ALKBH4: variants seen among roughly 807,000 people sequenced by gnomAD.
ALKBH4 encodes alkB homolog 4, lysine demethylase.
Under a neutral mutation model 12.1 loss-of-function variants are expected in ALKBH4, and 8 were observed. The ratio of observed to expected loss-of-function variants is 0.66; its 90% CI spans 0.39 to 1.19. The LOEUF is 1.19. Ranked by LOEUF, ALKBH4 falls within the 50% of genes most tolerant of loss-of-function variation. The pLI is 0.01. For synonymous variants in ALKBH4, 195 were observed against 191.6 expected (o/e 1.02, Z -0.15); for missense variants, 403 against 430.4 (o/e 0.94, Z 0.56).
At position 102,456,559 on chromosome 7, in the gene ALKBH4, A is replaced by G. The variant is rs1046923430; in HGVS notation, c.*835T>C. 1 of 151,896 alleles carries G rather than the reference A, an allele frequency of 6.6e-6. No individual in the cohort carries two copies. The highest frequency in any genetic ancestry group is 2.4e-5 in the African/African-American group (1 of 41,338). The allele number at this position is 151,896 out of a possible 1,614,324, so 9.4% of individuals were successfully genotyped here. A position where few individuals can be genotyped will look rare whatever the true frequency, so the allele number is the denominator to read the frequency against. ...CTGGCCGGGAGCTTTAATTTTTCCT[A>G]CTTGTTAACAGCGTTATGGGGCTGG... On this transcript the variant is annotated 3_prime_UTR_variant, in exon 3 of 3. Coordinates refer to ENST00000292566, the MANE Select transcript of ALKBH4 (RefSeq NM_017621.4).
At position 102,457,822 on chromosome 7, in the gene ALKBH4, C is replaced by T. The variant is rs566861172; in HGVS notation, c.481G>A (p.Glu161Lys). Residue 161 changes from glutamate (E) to lysine (K), a missense_variant, in exon 3 of 3, where the codon GAG (glutamate) becomes AAG (lysine). By Grantham distance (56) the Glu-to-Lys change is moderately conservative. Coordinates refer to ENST00000292566, the MANE Select transcript of ALKBH4 (RefSeq NM_017621.4). The surrounding 1 kb of genome is among the most constrained non-coding windows in gnomAD (Gnocchi z 5.9). The part of the protein sequence containing the change: ...VEQCNLDYCP[E>K]RGSAIDPHLD... ...TGGGGGTCAATGGCAGAGCCCCGCT[C>T]GGGGCAGTAGTCCAGGTTGCACTGC... 1.2e-5 allele frequency: 19 copies of T among 1,609,854 alleles called. No homozygotes were observed. Among genetic ancestry groups the T allele is most frequent in the African/African-American group, 8.0e-5 (6 of 75,038 alleles).
In ALKBH4 at chr7:102,464,738, G is replaced by A. The variant is rs770165043; in HGVS notation, c.99C>T (p.Asp33=). ...CCGCTGGGGGCAGCTCCCAGGGCGGGTCACTGCCGCGCTGCCGCTCGCAGA... is the reference window on the plus strand; with the variant it reads ...CCGCTGGGGGCAGCTCCCAGGGCGGATCACTGCCGCGCTGCCGCTCGCAGA... The part of the protein sequence containing the change: ...CLICERQRGS[D]PPWELPPAKT... Residue 33 remains aspartate, a synonymous_variant, in exon 1 of 3, where the codon GAC becomes GAT. Coordinates refer to ENST00000292566, the MANE Select transcript of ALKBH4 (RefSeq NM_017621.4). 1 of 1,563,818 alleles carries A rather than the reference G, an allele frequency of 6.4e-7. No homozygotes were observed. Among genetic ancestry groups the A allele is most frequent in the East Asian group, 2.6e-5 (1 of 38,730 alleles).
At position 102,457,054 on chromosome 7, in the gene ALKBH4, C is replaced by G. The variant is rs904495104; in HGVS notation, c.*340G>C. On this transcript the variant is annotated 3_prime_UTR_variant, in exon 3 of 3. Coordinates refer to ENST00000292566, the MANE Select transcript of ALKBH4 (RefSeq NM_017621.4). The surrounding 1 kb of genome is among the most constrained non-coding windows in gnomAD (Gnocchi z 5.9). ...GTGTTGGCCAGGCTGGTCTCGAACT[C>G]CTGGCATCAAGTGATCCGCCCACCT... The G allele has an allele frequency of 5.1e-6, 1 of 195,260 alleles. No individual in the cohort carries two copies. The highest frequency in any genetic ancestry group is 1.0e-5 in the Non-Finnish European group (1 of 96,362). The allele number at this position is 195,260 out of a possible 1,614,324, so 12.1% of individuals were successfully genotyped here.
Position 102,457,894 on chromosome 7 carries a change from G to T in ALKBH4, c.409C>A (p.Arg137=). The change falls in exon 3 of 3, where the codon CGG becomes AGG. Residue 137 remains arginine, a synonymous_variant. Coordinates refer to ENST00000292566, the MANE Select transcript of ALKBH4 (RefSeq NM_017621.4). The surrounding 1 kb of genome is among the most constrained non-coding windows in gnomAD (Gnocchi z 5.9). ...AGCCCCGGGTAGAGGCCCATCCTCC[G>T]CACCACCTCCCGGCTGAAGCTGGGG... ...GLPSFSREVV[R]RMGLYPGLEG... 6.2e-7 allele frequency: 1 copy of T among 1,613,090 alleles called. No homozygotes were observed.
chr7:102,460,602 T>G (rs1249474299), intron 1 of ALKBH4, among the ~76,000 whole-genome samples: 1 of 152,214 alleles, frequency 6.6e-6, no homozygotes, highest in East Asian at 1.9e-4. Flanking sequence ...ATGTTTTTCC[T>G]TCTCCATTTT....
rs1242758722 is a variant in ALKBH4, at chr7:102,457,155, C to T, written c.*239G>A. The T allele has an allele frequency of 1.0e-5, 5 of 485,914 alleles. No individual in the cohort carries two copies. The highest frequency in any genetic ancestry group is 9.9e-5 in the East Asian group (3 of 30,186). The allele number at this position is 485,914 out of a possible 1,614,324, so 30.1% of individuals were successfully genotyped here. A position where few individuals can be genotyped will look rare whatever the true frequency, so the allele number is the denominator to read the frequency against. On this transcript the variant is annotated 3_prime_UTR_variant, in exon 3 of 3. Coordinates refer to ENST00000292566, the MANE Select transcript of ALKBH4 (RefSeq NM_017621.4). The surrounding 1 kb of genome is among the most constrained non-coding windows in gnomAD (Gnocchi z 5.9). ...CCAGTATTTTTTAAGCTCAAATGAT[C>T]CCATGTCCCCAAGACTGTGACAAAC...
intron 2 of ALKBH4, among the ~76,000 whole-genome samples, chr7:102,458,301 G>A (rs1797706634): frequency 6.6e-6 from 1 of 152,220 alleles, no homozygotes; most frequent in Admixed American, 6.5e-5. Context: ...TGGGCATGGT[G>A]GCTCACGCCT....
At chr7:102,463,236 CCA>C (rs1448809400) in intron 1 of ALKBH4, among the ~76,000 whole-genome samples, 5 of 151,816 alleles carry the variant, frequency 3.3e-5, no homozygotes, top group Non-Finnish European at 1.5e-5. Context: ...CAGGTGTGAG[CCA>C]CTGTGCCCGG....
intron 1 of ALKBH4, among the ~76,000 whole-genome samples, chr7:102,460,146 T>TG (rs1797761642): frequency 1.2e-5 from 1 of 84,292 alleles, no homozygotes; most frequent in Non-Finnish European, 2.9e-5. Context: ...AGAGTGAGAC[T>TG]CAAAAAAAAA....
intron 1 of ALKBH4, among the ~76,000 whole-genome samples, chr7:102,463,279 T>C (rs1276772241): frequency 1.3e-5 from 2 of 151,268 alleles, no homozygotes; most frequent in Admixed American, 1.3e-4. Flanking sequence ...CTGAATAGTA[T>C]TCTACTATGT....
At chr7:102,461,010 C>T (rs955365530) in intron 1 of ALKBH4, among the ~76,000 whole-genome samples, 3 of 152,106 alleles carry the variant, frequency 2.0e-5, no homozygotes, top group African/African-American at 4.8e-5. Context: ...CGAGGCCTGG[C>T]GGTACTCTAA....
rs747309640 is a variant in ALKBH4 at position 102,457,475 on chromosome 7, C to T, written c.828G>A (p.Glu276=). ...CTTGCTGCCTCCCTCCAGGGCCAAA[C>T]TCAGCCGACAGCTCCCGGAAAGTGA... ...VCVTFRELSA[E]FGPGGRQQEL... The change falls in exon 3 of 3, where the codon GAG becomes GAA. Residue 276 remains glutamate, a synonymous_variant. Transcript: ENST00000292566. This position sits in a 1 kb window ranked among gnomAD's most constrained non-coding sequence, Gnocchi z 5.9. The T allele has an allele frequency of 6.2e-7, 1 of 1,613,426 alleles. No homozygotes were observed. Among genetic ancestry groups the T allele is most frequent in the South Asian group, 1.1e-5 (1 of 91,092 alleles).
chr7:102,463,886 A>G (rs1335928691), intron 1 of ALKBH4, among the ~76,000 whole-genome samples: 2 of 152,116 alleles, frequency 1.3e-5, no homozygotes, highest in East Asian at 3.9e-4. Flanking sequence ...CAGCCTCCAC[A>G]CCTTCATATC....
chr7:102,459,922 G>A, intron 1 of ALKBH4, 121 bp from the exon 2 acceptor site: 3 of 863,904 alleles, frequency 3.5e-6, no homozygotes, highest in Non-Finnish European at 5.1e-6. Flanking sequence ...GGGAGGCCGA[G>A]GTGGGTGGAT....
rs201905971 is a variant in ALKBH4 at position 102,457,925 on chromosome 7, G to A, written c.378C>T (p.Cys126=). 2.0e-5 allele frequency: 33 copies of A among 1,613,216 alleles called. No homozygotes were observed. The Admixed American group carries it at 2.5e-4, about 12-fold the overall frequency. ...CCTCCCGGCTGAAGCTGGGGAGGCC[G>A]CAGAAGCCCTCGGTCTTTAGCTTCT... ...RKQKLKTEGF[C]GLPSFSREVV... is the part of the protein sequence containing the mutation. Residue 126 remains cysteine, a synonymous_variant, in exon 3 of 3, where the codon TGC becomes TGT. Transcript: ENST00000292566. The surrounding 1 kb of genome is among the most constrained non-coding windows in gnomAD (Gnocchi z 5.9).
chr7:102,457,935 T>TA lies in ALKBH4; in HGVS notation c.367_368insT (p.Glu123ValfsTer45). On this transcript the variant is annotated frameshift_variant, in exon 3 of 3. Coordinates refer to ENST00000292566, the MANE Select transcript of ALKBH4 (RefSeq NM_017621.4). LOFTEE classifies it low-confidence loss of function (END_TRUNC). The surrounding 1 kb of genome is among the most constrained non-coding windows in gnomAD (Gnocchi z 5.9). ...GAAGCTGGGGAGGCCGCAGAAGCCC[T>TA]CGGTCTTTAGCTTCTGTTTCCGAAA... is the stretch of plus-strand genomic sequence containing the variant. 2.5e-6 allele frequency: 4 copies of TA among 1,612,888 alleles called. No homozygotes were observed. The highest frequency in any genetic ancestry group is 3.4e-6 in the Non-Finnish European group (4 of 1,179,500).
At position 102,459,400 on chromosome 7, in the gene ALKBH4, T is replaced by C. The variant is rs79026213; in HGVS notation, c.321+204A>G. The stretch of plus-strand genomic sequence containing the variant: ...CCCAGGAGCGCATATCACAGGGAGA[T>C]GGGGTGCCCAGGTGCACCTCTGCCC... On this transcript the variant is annotated intron_variant, in intron 2 of 2. Transcript: ENST00000292566. The C allele has an allele frequency of 1.9e-3, 1,053 of 567,880 alleles. 29 individuals carry two copies. In the East Asian group the frequency reaches 0.032, roughly 17 times the overall value. The allele number at this position is 567,880 out of a possible 1,614,324, so 35.2% of individuals were successfully genotyped here.
rs1302020983 is a variant in ALKBH4 at position 102,459,747 on chromosome 7, C to A, written c.178G>T (p.Glu60Ter). The A allele has an allele frequency of 6.2e-7, 1 of 1,613,540 alleles. No homozygotes were observed. The highest frequency in any genetic ancestry group is 1.3e-5 in the African/African-American group (1 of 74,916). Reference sequence around the variant, plus strand: ...AAGGCCCAGCCCTCAAAGTCAGACTCCTCTGTGCCCACGGCCCAGCCGGTG... The same window carrying A: ...AAGGCCCAGCCCTCAAAGTCAGACTACTCTGTGCCCACGGCCCAGCCGGTG... ...SDTGWAVGTEESDFEGWAFPF... is the reference protein window; with the variant it reads ...SDTGWAVGTE The change falls in exon 2 of 3, where the codon GAG (glutamate) becomes TAG (stop). Residue 60 changes from glutamate to a stop codon, truncating the protein, a stop_gained. Coordinates refer to ENST00000292566, the MANE Select transcript of ALKBH4 (RefSeq NM_017621.4). LOFTEE classifies it high-confidence loss of function.
intron 1 of ALKBH4, among the ~76,000 whole-genome samples, chr7:102,461,148 C>G (rs1242099337): frequency 6.6e-6 from 1 of 152,094 alleles, no homozygotes; most frequent in Non-Finnish European, 1.5e-5. Flanking sequence ...ACCAGCCTGG[C>G]CAACATGGCA....
Sources: allele counts gnomAD v4.1 joint callset (sites outside exome capture counted in the v4.1 genomes callset), GRCh38; gene constraint gnomAD v4.1.1; non-coding constraint Gnocchi (gnomAD v3.1); transcripts MANE v1.5; gene names NCBI Gene and HGNC (gene_info 2026-07-23, HGNC 2026-07-21).